ARHGAP20: variants seen among roughly 807,000 people sequenced by gnomAD.
ARHGAP20 encodes Rho GTPase activating protein 20, also known as rho GTPase-activating protein 20.
In ARHGAP20, 34 loss-of-function variants were observed where a neutral mutation model predicts 73.7. That is an observed-to-expected ratio of 0.46 (90% CI 0.35 to 0.61). The LOEUF (loss-of-function observed/expected upper bound fraction) is 0.61. ARHGAP20 is among the 20% of genes least tolerant of loss of function. ARHGAP20 has a pLI of 0.00. For synonymous variants in ARHGAP20, 523 were observed against 518.2 expected (o/e 1.01, Z -0.13); for missense variants, 1,314 against 1,420.9 (o/e 0.92, Z 1.21).
intron 2 of ARHGAP20, among the ~76,000 whole-genome samples, chr11:110,632,749 G>A (rs534204887): frequency 2.0e-5 from 3 of 152,116 alleles, no homozygotes; most frequent in South Asian, 2.1e-4. Flanking sequence ...TTTCTTTCAC[G>A]TTCTTACTGG....
intron 1 of ARHGAP20, among the ~76,000 whole-genome samples, chr11:110,699,541 T>C (rs545818928): frequency 6.6e-6 from 1 of 152,072 alleles, no homozygotes; most frequent in South Asian, 2.1e-4. Context: ...ATCAATGTTT[T>C]CTTAGGTGTA....
At chr11:110,627,035 C>A (rs758188687) in intron 3 of ARHGAP20, among the ~76,000 whole-genome samples, 1 of 152,040 alleles carries the variant, frequency 6.6e-6, no homozygotes, top group South Asian at 2.1e-4. Context: ...ATTATGACAA[C>A]AGGAATTAAA....
At chr11:110,669,632 A>G (rs73561831) in intron 2 of ARHGAP20, among the ~76,000 whole-genome samples, 4,043 of 152,268 alleles carry the variant, frequency 0.027, 187 homozygotes, top group African/African-American at 0.093. Context: ...GCACACATAG[A>G]ATACTTAAAA....
In ARHGAP20 at chr11:110,611,833, C is replaced by T. The variant is rs540523178; in HGVS notation, c.631-447G>A. Among the ~76,000 whole-genome samples, 12 of 152,044 alleles carry T rather than the reference C, an allele frequency of 7.9e-5. No individual in the cohort carries two copies. In the South Asian group the frequency reaches 1.5e-3, roughly 18 times the overall value. Reference sequence around the variant, plus strand: ...TTTCACAATACGTTTTATTTCTTTGCGTGGTATAAAGTCAGGTTAGGTAAA... The same window carrying T: ...TTTCACAATACGTTTTATTTCTTTGTGTGGTATAAAGTCAGGTTAGGTAAA... On this transcript the variant is annotated intron_variant, in intron 6 of 14. Coordinates refer to ENST00000683387, the MANE Select transcript of ARHGAP20 (RefSeq NM_001384657.1).
chr11:110,685,105 A>G (rs955831485), intron 2 of ARHGAP20, among the ~76,000 whole-genome samples: 1 of 152,200 alleles, frequency 6.6e-6, no homozygotes, highest in African/African-American at 2.4e-5. Flanking sequence ...TATATGAAAC[A>G]ATAAAATTAA....
In ARHGAP20 at chr11:110,614,753, T is replaced by C. The variant is rs188811444; in HGVS notation, c.546-108A>G. ...TGCTAATATTTCCAATATACTTATA[T>C]GCTATTTTTAAAAAAGATAGATGAG... On this transcript the variant is annotated intron_variant, in intron 5 of 14. Coordinates refer to ENST00000683387, the MANE Select transcript of ARHGAP20 (RefSeq NM_001384657.1). 8.5e-6 allele frequency: 6 copies of C among 709,694 alleles called. No individual in the cohort carries two copies. In the East Asian group the frequency reaches 9.2e-5, roughly 11 times the overall value. The allele number at this position is 709,694 out of a possible 1,614,324, so 44.0% of individuals were successfully genotyped here.
At chr11:110,632,370 C>A (rs1389767490) in intron 2 of ARHGAP20, among the ~76,000 whole-genome samples, 1 of 152,034 alleles carries the variant, frequency 6.6e-6, no homozygotes, top group Non-Finnish European at 1.5e-5. Flanking sequence ...TGAATTTTGG[C>A]CAGTTTAGTG....
At chr11:110,581,709 C>A (rs1385668377) in intron 14 of ARHGAP20, among the ~76,000 whole-genome samples, 1 of 151,990 alleles carries the variant, frequency 6.6e-6, no homozygotes, top group African/African-American at 2.4e-5. Context: ...TATTTTCATC[C>A]ACATTTTAGA....
At chr11:110,642,504 T>G (rs1428969785) in intron 2 of ARHGAP20, among the ~76,000 whole-genome samples, 1 of 152,100 alleles carries the variant, frequency 6.6e-6, no homozygotes, top group African/African-American at 2.4e-5. Context: ...GAAGGGATGT[T>G]GGGTTTTGTT....
In ARHGAP20 at chr11:110,711,903, A is replaced by C. The variant is rs961370967; in HGVS notation, c.105+224T>G. ...TGCGAGGTCGCTCGAGGAGAGACTA[A>C]GGCTCTAGAAACGGAGAAGCGGGCG... On this transcript the variant is annotated intron_variant, in intron 1 of 14. Coordinates refer to ENST00000683387, the MANE Select transcript of ARHGAP20 (RefSeq NM_001384657.1). 4.7e-6 allele frequency: 6 copies of C among 1,275,152 alleles called. No individual in the cohort carries two copies. In the South Asian group the frequency reaches 1.2e-4, roughly 25 times the overall value. The allele number at this position is 1,275,152 out of a possible 1,614,324, so 79.0% of individuals were successfully genotyped here. A position where few individuals can be genotyped will look rare whatever the true frequency, so the allele number is the denominator to read the frequency against.
chr11:110,614,044 C>A (rs1054290771), intron 6 of ARHGAP20, among the ~76,000 whole-genome samples: 9 of 151,960 alleles, frequency 5.9e-5, no homozygotes, highest in Admixed American at 4.6e-4. Context: ...AATGCTGATC[C>A]CTTAAAAATG....
intron 1 of ARHGAP20, among the ~76,000 whole-genome samples, chr11:110,698,108 T>C (rs1367377134): frequency 1.3e-5 from 2 of 151,686 alleles, no homozygotes; most frequent in Non-Finnish European, 3.0e-5. Flanking sequence ...TCAGCCTATT[T>C]TGTTAAGGGT....
chr11:110,582,509 C>CTGAT, intron 13 of ARHGAP20, 74 bp from the exon 14 acceptor site: 1 of 1,028,480 alleles, frequency 9.7e-7, no homozygotes, highest in African/African-American at 1.6e-5. Flanking sequence ...TATATAAATC[C>CTGAT]TGATTTTTAA....
chr11:110,695,933 A>C (rs538269835), intron 1 of ARHGAP20, among the ~76,000 whole-genome samples: 5 of 151,796 alleles, frequency 3.3e-5, no homozygotes, highest in Admixed American at 3.3e-4. Context: ...CAATCAACTG[A>C]TGAATGGGTA....
chr11:110,580,041 T>G lies in ARHGAP20; in HGVS notation c.2905A>C (p.Thr969Pro), dbSNP rs1417401392. ...QISEHSVFTPTETSSPIDCTF... is the reference protein window; with the variant it reads ...QISEHSVFTPPETSSPIDCTF... The stretch of plus-strand genomic sequence containing the variant: ...CAATCTATTGGAGAGGAAGTCTCAG[T>G]GGGTGTAAACACAGAGTGTTCAGAA... The change falls in exon 15 of 15, where the codon ACT (threonine) becomes CCT (proline). Residue 969 changes from threonine to proline, a missense_variant. Physicochemically the swap from Thr to Pro is conservative, Grantham distance 38. Transcript: ENST00000683387. 6.2e-7 allele frequency: 1 copy of G among 1,614,128 alleles called. No homozygotes were observed. Among genetic ancestry groups the G allele is most frequent in the Admixed American group, 1.7e-5 (1 of 60,018 alleles).
chr11:110,595,861 G>T (rs1461702109), intron 9 of ARHGAP20, among the ~76,000 whole-genome samples: 1 of 152,020 alleles, frequency 6.6e-6, no homozygotes, highest in Non-Finnish European at 1.5e-5. Context: ...AAAGAACAAA[G>T]CTGGAGGCAT....
intron 1 of ARHGAP20, among the ~76,000 whole-genome samples, chr11:110,702,058 C>A (rs189209476): frequency 6.6e-6 from 1 of 151,926 alleles, no homozygotes; most frequent in Non-Finnish European, 1.5e-5. Flanking sequence ...ATTGACTTGG[C>A]GATGCGGGCT....
At chr11:110,589,799 T>A (rs1947775329) in intron 11 of ARHGAP20, 1 of 788,838 alleles carries the variant, frequency 1.3e-6, no homozygotes, top group African/African-American at 1.9e-5. Context: ...ACTTAGATGC[T>A]GAAGTCATTC....
At chr11:110,624,447 G>C (rs1948693457) in intron 3 of ARHGAP20, 136 bp from the exon 4 acceptor site, 1 of 624,520 alleles carries the variant, frequency 1.6e-6, no homozygotes, top group African/African-American at 1.9e-5. Context: ...TCACTCATAA[G>C]AGTGAGAGCT....
Sources: gnomAD v4.1 joint callset for allele counts (sites outside exome capture counted in the v4.1 genomes callset) on GRCh38, gnomAD v4.1.1 for gene constraint, MANE v1.5 for transcripts, NCBI Gene and HGNC (gene_info 2026-07-23, HGNC 2026-07-21) for gene names.